Variants in CRKL observed in about 807,000 individuals in gnomAD.
CRKL encodes the protein crk-like protein.
Under a neutral mutation model 23.0 loss-of-function variants are expected in CRKL, and 3 were observed. The ratio of observed to expected loss-of-function variants is 0.13; its 90% CI spans 0.06 to 0.34. The LOEUF is 0.34. Ranked by LOEUF, CRKL falls within the 10% of genes least tolerant of loss-of-function variation. The pLI is 1.00. For missense variants in CRKL, 256 were observed against 394.5 expected (o/e 0.65, Z 2.97); for synonymous variants, 188 against 160.7 (o/e 1.17, Z -1.28).
intron 1 of CRKL, among the ~76,000 whole-genome samples, chr22:20,924,912 G>T (rs1243996552): frequency 2.0e-5 from 3 of 147,356 alleles, no homozygotes; most frequent in African/African-American, 7.5e-5. Context: ...GTTCCCAGCC[G>T]GATGTGGTGG....
chr22:20,923,499 G>C (rs553119459), intron 1 of CRKL, among the ~76,000 whole-genome samples: 1 of 151,306 alleles, frequency 6.6e-6, no homozygotes. Context: ...GGATGGTCTC[G>C]ATCTCCTGAC....
At chr22:20,939,953 C>T (rs940544847) in intron 2 of CRKL, among the ~76,000 whole-genome samples, 2 of 151,890 alleles carry the variant, frequency 1.3e-5, no homozygotes, top group Non-Finnish European at 2.9e-5. Context: ...CCGCGCCTGG[C>T]TAATTTTTTT....
In CRKL at chr22:20,952,250, C is replaced by A. The variant is rs775561225; in HGVS notation, c.*2405C>A. The A allele has an allele frequency of 2.1e-4, 49 of 230,336 alleles. No homozygotes were observed. The highest frequency in any genetic ancestry group is 3.6e-4 in the Non-Finnish European group (42 of 116,354). 14.3% of individuals were successfully genotyped at this position (230,336 alleles called of 1,614,324 possible). On this transcript the variant is annotated 3_prime_UTR_variant, in exon 3 of 3. Coordinates refer to ENST00000354336, the MANE Select transcript of CRKL (RefSeq NM_005207.4). ...CAAGAAGTCTGGCCATTTTGGAAAG[C>A]AAGGTTTCCTTTCAGCCCTGTCTAC...
At chr22:20,932,773 A>T (rs1170362217) in intron 1 of CRKL, among the ~76,000 whole-genome samples, 1 of 152,158 alleles carries the variant, frequency 6.6e-6, no homozygotes, top group African/African-American at 2.4e-5. Context: ...CTTAACTACT[A>T]AGAATATAGA....
At chr22:20,935,680 C>T (rs1308427400) in intron 2 of CRKL, among the ~76,000 whole-genome samples, 1 of 151,734 alleles carries the variant, frequency 6.6e-6, no homozygotes, top group Non-Finnish European at 1.5e-5. Context: ...CATGCACCAC[C>T]CTGCCCGGCT....
At position 20,952,746 on chromosome 22, in the gene CRKL, A is replaced by G. The variant is rs1397252822; in HGVS notation, c.*2901A>G. On this transcript the variant is annotated 3_prime_UTR_variant, in exon 3 of 3. Coordinates refer to ENST00000354336, the MANE Select transcript of CRKL (RefSeq NM_005207.4). ...ATGGTTTTTCACCTGGGAAGGAAAC[A>G]AATTACGTACTAGAGGGCATTGACT... The G allele has an allele frequency of 1.7e-5, 4 of 231,840 alleles. No homozygotes were observed. Among genetic ancestry groups the G allele is most frequent in the Admixed American group, 1.7e-4 (3 of 17,742 alleles). The allele number at this position is 231,840 out of a possible 1,614,324, so 14.4% of individuals were successfully genotyped here. A position where few individuals can be genotyped will look rare whatever the true frequency, so the allele number is the denominator to read the frequency against.
In CRKL at chr22:20,917,905, C is replaced by T. The variant is rs760151357; in HGVS notation, c.-30C>T. The T allele has an allele frequency of 4.1e-5, 66 of 1,600,360 alleles. 1 individual carries two copies. In the South Asian group the frequency reaches 5.8e-4, roughly 14 times the overall value. The stretch of plus-strand genomic sequence containing the variant: ...GAGCAGGCGAGGACAGCCGCCGCCC[C>T]TACCGCCGCAGAGTCCCCGGTCCAA... On this transcript the variant is annotated 5_prime_UTR_variant, in exon 1 of 3. Coordinates refer to ENST00000354336, the MANE Select transcript of CRKL (RefSeq NM_005207.4).
chr22:20,918,180 G>T lies in CRKL; in HGVS notation c.246G>T (p.Pro82=), dbSNP rs748773571. Residue 82 remains proline (P), a synonymous_variant, in exon 1 of 3, where the codon CCG becomes CCT. Coordinates refer to ENST00000354336, the MANE Select transcript of CRKL (RefSeq NM_005207.4). ...GGGACCAGGAATTTGACCATTTGCCGGCCCTGCTGGAGTTTTACAAGATCC... is the reference window on the plus strand; with the variant it reads ...GGGACCAGGAATTTGACCATTTGCCTGCCCTGCTGGAGTTTTACAAGATCC... ...KIGDQEFDHL[P]ALLEFYKIHY... The T allele has an allele frequency of 1.2e-6, 2 of 1,614,092 alleles. No individual in the cohort carries two copies. The highest frequency in any genetic ancestry group is 1.7e-6 in the Non-Finnish European group (2 of 1,180,020).
chr22:20,948,381 C>T (rs1274685473), intron 2 of CRKL, among the ~76,000 whole-genome samples: 1 of 152,082 alleles, frequency 6.6e-6, no homozygotes, highest in Non-Finnish European at 1.5e-5. Context: ...TGTTGTGCTT[C>T]TCAGTGCTAA....
At chr22:20,920,366 G>A (rs1920978219) in intron 1 of CRKL, among the ~76,000 whole-genome samples, 1 of 152,064 alleles carries the variant, frequency 6.6e-6, no homozygotes, top group Admixed American at 6.6e-5. Context: ...GCTGGGCGTA[G>A]TGGTGGGTGC....
At chr22:20,938,609 A>G (rs576906839) in intron 2 of CRKL, among the ~76,000 whole-genome samples, 6 of 152,340 alleles carry the variant, frequency 3.9e-5, no homozygotes, top group Non-Finnish European at 7.3e-5. Flanking sequence ...CACAACTGAC[A>G]AGGTCAGGTT....
chr22:20,922,172 G>A (rs1921018865), intron 1 of CRKL, among the ~76,000 whole-genome samples: 2 of 151,604 alleles, frequency 1.3e-5, no homozygotes, highest in South Asian at 4.2e-4. Context: ...ACAGGCACCC[G>A]CCACCATGTC....
chr22:20,926,017 A>T (rs1205997350), intron 1 of CRKL, among the ~76,000 whole-genome samples: 2 of 152,204 alleles, frequency 1.3e-5, no homozygotes, highest in Non-Finnish European at 2.9e-5. Context: ...AAAGGCAATC[A>T]ACTGTACCTA....
chr22:20,934,800 A>G (rs1921587962), intron 2 of CRKL, among the ~76,000 whole-genome samples: 1 of 148,880 alleles, frequency 6.7e-6, no homozygotes, highest in Admixed American at 6.9e-5. Flanking sequence ...TTGGTAGAGG[A>G]ATGAATTTTT....
intron 1 of CRKL, 76 bp downstream of exon 1, chr22:20,918,321 G>A (rs1601670104): frequency 2.0e-6 from 3 of 1,502,306 alleles, no homozygotes; most frequent in East Asian, 4.8e-5. Context: ...ATAGGGGGGT[G>A]GGGCGCGCTT....
intron 1 of CRKL, among the ~76,000 whole-genome samples, chr22:20,919,965 T>C (rs1920973394): frequency 6.6e-6 from 1 of 152,122 alleles, no homozygotes; most frequent in South Asian, 2.1e-4. Context: ...ACACCAAGAA[T>C]CTGATTGGTG....
At chr22:20,927,369 T>C (rs1228066779) in intron 1 of CRKL, among the ~76,000 whole-genome samples, 1 of 149,630 alleles carries the variant, frequency 6.7e-6, no homozygotes, top group Non-Finnish European at 1.5e-5. Context: ...TTTTGTATTT[T>C]TAGTAGAGAT....
At chr22:20,927,217 G>GT (rs1921252851) in intron 1 of CRKL, among the ~76,000 whole-genome samples, 1 of 45,570 alleles carries the variant, frequency 2.2e-5, no homozygotes, top group Non-Finnish European at 3.7e-5. Context: ...TTTTGAGACA[G>GT]TGTCGCTCTG....
At chr22:20,936,224 C>T (rs530577591) in intron 2 of CRKL, among the ~76,000 whole-genome samples, 2 of 152,170 alleles carry the variant, frequency 1.3e-5, no homozygotes, top group South Asian at 4.2e-4. Context: ...AGTAAGGGAC[C>T]CTCTTGCTTC....
Sources: allele counts gnomAD v4.1 joint callset (sites outside exome capture counted in the v4.1 genomes callset), GRCh38; gene constraint gnomAD v4.1.1; transcripts MANE v1.5; gene names NCBI Gene and HGNC (gene_info 2026-07-23, HGNC 2026-07-21).